The following KAZN variants were observed in gnomAD, a reference collection of about 807,000 sequenced individuals.
KAZN encodes kazrin, periplakin interacting protein, also known as kazrin.
In KAZN, 40 loss-of-function variants were observed where a neutral mutation model predicts 87.4. That is an observed-to-expected ratio of 0.46 (90% CI 0.36 to 0.60). The LOEUF is 0.60. Ranked by LOEUF, KAZN falls within the 20% of genes least tolerant of loss-of-function variation. The probability of loss-of-function intolerance (pLI) is 0.00; values close to 1 mark genes in which losing one functional copy is unlikely to be tolerated. For synonymous variants in KAZN, 466 were observed against 458.3 expected (o/e 1.02, Z -0.22); for missense variants, 898 against 1,073.9 (o/e 0.84, Z 2.29).
intron 1 of KAZN, among the ~76,000 whole-genome samples, chr1:13,942,899 G>A (rs558138188): frequency 6.6e-6 from 1 of 152,226 alleles, no homozygotes; most frequent in South Asian, 2.1e-4. Flanking sequence ...CAGCAAAGAA[G>A]ATAAGCAACC....
chr1:14,847,311 A>G (rs1648903022), intron 1 of KAZN, among the ~76,000 whole-genome samples: 1 of 152,142 alleles, frequency 6.6e-6, no homozygotes, highest in African/African-American at 2.4e-5. Context: ...CTCAGGGGCG[A>G]CAGTGGCCAA....
chr1:14,149,104 C>CTTTTTT (rs57657728), intron 1 of KAZN, among the ~76,000 whole-genome samples: 2,078 of 68,848 alleles, frequency 0.03, 50 homozygotes, highest in Admixed American at 0.05. Flanking sequence ...TCTTTCTTTC[C>CTTTTTT]TTTTTTTTTT....
At chr1:14,920,130 G>T (rs1289537886) in intron 1 of KAZN, among the ~76,000 whole-genome samples, 1 of 152,132 alleles carries the variant, frequency 6.6e-6, no homozygotes, top group East Asian at 1.9e-4. Flanking sequence ...ACATAATGGG[G>T]TCTCTTAATA....
At chr1:14,905,905 A>C (rs1225698194) in intron 1 of KAZN, among the ~76,000 whole-genome samples, 1 of 148,914 alleles carries the variant, frequency 6.7e-6, no homozygotes, top group East Asian at 2.0e-4. Flanking sequence ...ACGGTGGCTC[A>C]TGCCTGTAAT....
In KAZN at chr1:14,180,316, TA is replaced by T. The variant is rs1487610192; in HGVS notation, c.92-118del. ...ATTTATAGATGTGTCAAGTTCTTGA[TA>T]CATGCCTGGCTTAGACCTTGTATGT... On this transcript the variant is annotated intron_variant, in intron 1 of 16. Coordinates refer to the KAZN transcript ENST00000636203. The T allele has an allele frequency of 6.4e-6, 5 of 783,368 alleles. No homozygotes were observed. The East Asian group carries it at 1.4e-4, about 21-fold the overall frequency. 48.5% of individuals were successfully genotyped at this position (783,368 alleles called of 1,614,324 possible).
intron 4 of KAZN, 82 bp downstream of exon 4, chr1:15,044,241 C>A: frequency 5.2e-5 from 36 of 697,600 alleles, no homozygotes; most frequent in Non-Finnish European, 6.6e-5. Context: ...CACCGACTCA[C>A]ATCGGAGACC....
At chr1:14,187,100 T>C (rs1008841964) in intron 2 of KAZN, among the ~76,000 whole-genome samples, 2 of 152,138 alleles carry the variant, frequency 1.3e-5, no homozygotes, top group African/African-American at 4.8e-5. Context: ...TTTTGAAAAC[T>C]AGGTATTAAG....
intron 1 of KAZN, among the ~76,000 whole-genome samples, chr1:14,716,355 T>C (rs1383730335): frequency 6.6e-6 from 1 of 152,178 alleles, no homozygotes; most frequent in Non-Finnish European, 1.5e-5. Flanking sequence ...GCTGCCTAAG[T>C]AGAAATTTTT....
chr1:13,996,715 C>A (rs1022604695), intron 1 of KAZN, among the ~76,000 whole-genome samples: 1 of 152,242 alleles, frequency 6.6e-6, no homozygotes, highest in African/African-American at 2.4e-5. Context: ...TGGGCCTAAG[C>A]CCCTAGAGGG....
intron 2 of KAZN, among the ~76,000 whole-genome samples, chr1:14,988,580 G>A (rs1243656550): frequency 6.6e-6 from 1 of 152,222 alleles, no homozygotes; most frequent in African/African-American, 2.4e-5. Context: ...CAGTAACCCC[G>A]GGGTACATCC....
intron 1 of KAZN, among the ~76,000 whole-genome samples, chr1:14,006,741 A>C (rs940246800): frequency 6.6e-6 from 1 of 152,152 alleles, no homozygotes; most frequent in African/African-American, 2.4e-5. Context: ...TTGAAATATA[A>C]TTTGAAATCA....
intron 1 of KAZN, among the ~76,000 whole-genome samples, chr1:14,801,731 T>C (rs1646033015): frequency 6.6e-6 from 1 of 151,788 alleles, no homozygotes; most frequent in Non-Finnish European, 1.5e-5. Flanking sequence ...TTGCCCAGGC[T>C]GGAGTGCAGT....
At chr1:14,792,837 G>C (rs1390464204) in intron 1 of KAZN, among the ~76,000 whole-genome samples, 1 of 152,176 alleles carries the variant, frequency 6.6e-6, no homozygotes. Context: ...TTAGCTGGGC[G>C]TGGTGGCATG....
chr1:14,040,162 T>A (rs932901979), intron 1 of KAZN, among the ~76,000 whole-genome samples: 1 of 152,070 alleles, frequency 6.6e-6, no homozygotes, highest in African/African-American at 2.4e-5. Flanking sequence ...GGATTTCATG[T>A]TTACCTGGCT....
intron 2 of KAZN, among the ~76,000 whole-genome samples, chr1:14,542,321 C>T (rs1672862389): frequency 6.6e-6 from 1 of 150,640 alleles, no homozygotes; most frequent in Non-Finnish European, 1.5e-5. Context: ...GGAGGGATAG[C>T]ATTAGGAGAT....
At chr1:14,187,646 A>G (rs1646336126) in intron 2 of KAZN, among the ~76,000 whole-genome samples, 1 of 152,132 alleles carries the variant, frequency 6.6e-6, no homozygotes, top group African/African-American at 2.4e-5. Flanking sequence ...CCTGACTGGC[A>G]GGGGGTGAGT....
At chr1:14,671,610 G>T (rs1343587020) in intron 1 of KAZN, among the ~76,000 whole-genome samples, 1 of 152,044 alleles carries the variant, frequency 6.6e-6, no homozygotes, top group East Asian at 1.9e-4. Flanking sequence ...AAGGGCAGTA[G>T]AATTTCCCCC....
chr1:14,788,187 C>T (rs1250373009), intron 1 of KAZN, among the ~76,000 whole-genome samples: 2 of 152,200 alleles, frequency 1.3e-5, no homozygotes, highest in Non-Finnish European at 2.9e-5. Flanking sequence ...AGCCCTGTCT[C>T]AGTGCTACCA....
chr1:15,047,391 G>A (rs533874394), intron 4 of KAZN, among the ~76,000 whole-genome samples: 5 of 152,320 alleles, frequency 3.3e-5, no homozygotes, highest in South Asian at 4.1e-4. Flanking sequence ...TCTGCCAGTG[G>A]AAGCATAGAG....
Sources: allele counts gnomAD v4.1 joint callset (sites outside exome capture counted in the v4.1 genomes callset), GRCh38; gene constraint gnomAD v4.1.1; transcripts MANE v1.5; gene names NCBI Gene and HGNC (gene_info 2026-07-23, HGNC 2026-07-21).